Variants in PARM1 observed in about 807,000 individuals in gnomAD.
The protein encoded by PARM1 is prostate androgen-regulated mucin-like protein 1.
In PARM1, 14 loss-of-function variants were observed where a neutral mutation model predicts 24.6. The observed-to-expected ratio is 0.57, with a 90% CI of 0.38 to 0.89. The LOEUF (loss-of-function observed/expected upper bound fraction) is 0.89, where lower values mean the gene tolerates loss of function less well. Among genes scored for constraint, PARM1 ranks in the 40% least tolerant of loss-of-function variants. PARM1 has a pLI of 0.00. For missense variants in PARM1, 362 were observed against 380.4 expected (o/e 0.95, Z 0.40); for synonymous variants, 179 against 156.6 (o/e 1.14, Z -1.07).
intron 1 of PARM1, among the ~76,000 whole-genome samples, chr4:74,944,659 C>T (rs1279310653): frequency 6.6e-6 from 1 of 152,128 alleles, no homozygotes; most frequent in Non-Finnish European, 1.5e-5. Flanking sequence ...GCTTTCAATG[C>T]CTCCCATCTC....
intron 1 of PARM1, among the ~76,000 whole-genome samples, chr4:74,999,974 G>T (rs1484441798): frequency 5.3e-5 from 8 of 151,766 alleles, no homozygotes; most frequent in African/African-American, 1.7e-4. Context: ...TTTTTTCCTG[G>T]ATGCATCTGT....
At position 75,008,923 on chromosome 4, in the gene PARM1, ATTT is replaced by A. The variant is rs58243200; in HGVS notation, c.44-3491_44-3489del. On this transcript the variant is annotated intron_variant, in intron 1 of 3. Coordinates refer to ENST00000307428, the MANE Select transcript of PARM1 (RefSeq NM_015393.4). ...GATGCTATGAATGGTAAATGGTGTC[ATTT>A]TTTTTTTTTTGCCCTTGGAATCTTC... Among the ~76,000 whole-genome samples, 504 of 146,566 alleles carry A rather than the reference ATTT, an allele frequency of 3.4e-3. 6 individuals carry two copies. Among genetic ancestry groups the A allele is most frequent in the African/African-American group, 0.012 (470 of 40,190 alleles).
chr4:74,964,961 C>G (rs1721868056), intron 1 of PARM1, among the ~76,000 whole-genome samples: 1 of 152,158 alleles, frequency 6.6e-6, no homozygotes, highest in Non-Finnish European at 1.5e-5. Context: ...GAGACTGAGA[C>G]TCAAACAACT....
At chr4:75,039,493 C>A (rs1723436414) in intron 3 of PARM1, among the ~76,000 whole-genome samples, 1 of 152,008 alleles carries the variant, frequency 6.6e-6, no homozygotes, top group Non-Finnish European at 1.5e-5. Flanking sequence ...AAAATCGCAC[C>A]ACTGCACTTC....
Position 74,976,968 on chromosome 4 carries a change from A to G in PARM1, c.44-35457A>G, listed in dbSNP as rs967772791. Among the ~76,000 whole-genome samples, 5 of 152,248 alleles carry G rather than the reference A, an allele frequency of 3.3e-5. 1 individual carries two copies. Among genetic ancestry groups the G allele is most frequent in the African/African-American group, 1.2e-4 (5 of 41,460 alleles). ...CCTATCCAAAGGTCATCAGCCTCAA[A>G]GATCGAAGGTAGATAAACCCACAAA... On this transcript the variant is annotated intron_variant, in intron 1 of 3. Transcript: ENST00000307428.
Position 74,933,235 on chromosome 4 carries a change from G to A in PARM1, c.-93G>A. On this transcript the variant is annotated 5_prime_UTR_variant, in exon 1 of 4. Transcript: ENST00000307428. ...TCCCGGCTCCCACCGCAGCCCACCC[G>A]GCAGAGGAGTCGCTACCAGCGCCCA... The A allele has an allele frequency of 2.6e-6, 3 of 1,137,614 alleles. No individual in the cohort carries two copies. Among genetic ancestry groups the A allele is most frequent in the Admixed American group, 1.8e-5 (1 of 55,088 alleles). The allele number at this position is 1,137,614 out of a possible 1,614,324, so 70.5% of individuals were successfully genotyped here.
intron 1 of PARM1, among the ~76,000 whole-genome samples, chr4:74,974,968 C>G (rs562339425): frequency 2.0e-5 from 3 of 152,154 alleles, no homozygotes; most frequent in Non-Finnish European, 4.4e-5. Flanking sequence ...GACTTCTAGC[C>G]TCCAGAAATG....
At chr4:74,954,608 A>G (rs17000022) in intron 1 of PARM1, among the ~76,000 whole-genome samples, 4,371 of 152,222 alleles carry the variant, frequency 0.029, 203 homozygotes, top group African/African-American at 0.098. Flanking sequence ...TTCACTTATG[A>G]TGCTGATGGC....
At chr4:74,952,917 T>G (rs191677393) in intron 1 of PARM1, among the ~76,000 whole-genome samples, 1 of 152,348 alleles carries the variant, frequency 6.6e-6, no homozygotes. Context: ...TAATTAGAAG[T>G]CTTTAAAAGA....
chr4:74,953,979 AC>A (rs1315866890), intron 1 of PARM1, among the ~76,000 whole-genome samples: 1 of 152,216 alleles, frequency 6.6e-6, no homozygotes, highest in Admixed American at 6.5e-5. Context: ...TGGCCACCTC[AC>A]AACCTCCTCT....
At chr4:74,942,757 T>G (rs1016959450) in intron 1 of PARM1, among the ~76,000 whole-genome samples, 1 of 152,216 alleles carries the variant, frequency 6.6e-6, no homozygotes, top group African/African-American at 2.4e-5. Flanking sequence ...TCCTCTCAGA[T>G]CTACTTGCTT....
At chr4:74,960,259 A>G (rs1721740507) in intron 1 of PARM1, among the ~76,000 whole-genome samples, 2 of 152,316 alleles carry the variant, frequency 1.3e-5, no homozygotes, top group African/African-American at 2.4e-5. Flanking sequence ...GCAAGTTCCA[A>G]AAGATCTAAA....
At chr4:74,937,544 A>C (rs919139496) in intron 1 of PARM1, among the ~76,000 whole-genome samples, 11 of 152,180 alleles carry the variant, frequency 7.2e-5, no homozygotes, top group African/African-American at 2.7e-4. Flanking sequence ...ACCACTCTGC[A>C]TTTTTTTATC....
At chr4:74,939,814 A>G (rs1042148172) in intron 1 of PARM1, among the ~76,000 whole-genome samples, 2 of 152,236 alleles carry the variant, frequency 1.3e-5, no homozygotes, top group Non-Finnish European at 2.9e-5. Context: ...TGTTAAGTGG[A>G]AAAAATATTA....
chr4:75,042,684 A>G (rs1723516772), intron 3 of PARM1, among the ~76,000 whole-genome samples: 1 of 152,098 alleles, frequency 6.6e-6, no homozygotes, highest in Non-Finnish European at 1.5e-5. Flanking sequence ...ACCTAGAGAG[A>G]AAGTTTTACA....
At chr4:75,002,901 G>T (rs117818907) in intron 1 of PARM1, among the ~76,000 whole-genome samples, 1 of 152,184 alleles carries the variant, frequency 6.6e-6, no homozygotes, top group Non-Finnish European at 1.5e-5. Flanking sequence ...AGGATGGAGC[G>T]CAGGCTAAGC....
At chr4:74,982,960 A>G (rs1398405063) in intron 1 of PARM1, among the ~76,000 whole-genome samples, 2 of 152,166 alleles carry the variant, frequency 1.3e-5, no homozygotes, top group Non-Finnish European at 2.9e-5. Flanking sequence ...TTCTGTTAAC[A>G]CTGCAACAGG....
chr4:74,986,909 A>G (rs4859925), intron 1 of PARM1, among the ~76,000 whole-genome samples: 47,595 of 151,812 alleles, frequency 0.31, 9,569 homozygotes, highest in African/African-American at 0.57. Context: ...TCAGTCAAAA[A>G]TTGGGCTCTG....
intron 3 of PARM1, 119 bp downstream of exon 3, chr4:75,034,080 G>A (rs1360255373): frequency 1.3e-6 from 1 of 796,410 alleles, no homozygotes; most frequent in Non-Finnish European, 2.0e-6. Flanking sequence ...AATATTGGCA[G>A]AGAAGTGAAA....
Sources: allele counts gnomAD v4.1 joint callset (sites outside exome capture counted in the v4.1 genomes callset), GRCh38; gene constraint gnomAD v4.1.1; transcripts MANE v1.5; gene names NCBI Gene and HGNC (gene_info 2026-07-23, HGNC 2026-07-21).